The following PMS1 variants were observed in gnomAD, a reference collection of about 807,000 sequenced individuals.
PMS1 encodes PMS1 protein homolog 1.
A neutral mutation model predicts 93.1 loss-of-function variants in PMS1; 79 were observed. The ratio of observed to expected loss-of-function variants is 0.85; its 90% CI spans 0.71 to 1.02. The LOEUF is 1.02. PMS1 is among the 50% of genes least tolerant of loss of function. The pLI, the probability that PMS1 is intolerant of heterozygous loss-of-function variation, is 0.00. For missense variants in PMS1, 1,064 were observed against 1,085.3 expected (o/e 0.98, Z 0.28); for synonymous variants, 335 against 363.4 (o/e 0.92, Z 0.89).
At chr2:189,808,187 TC>T (rs1575091121) in intron 4 of PMS1, among the ~76,000 whole-genome samples, 2 of 152,122 alleles carry the variant, frequency 1.3e-5, no homozygotes, top group Admixed American at 6.5e-5. Flanking sequence ...GAGGTGAACA[TC>T]CCTGCTTAGC....
At chr2:189,846,997 G>C (rs1383022363) in intron 6 of PMS1, among the ~76,000 whole-genome samples, 1 of 151,784 alleles carries the variant, frequency 6.6e-6, no homozygotes. Flanking sequence ...GAGTAGCTGG[G>C]ATTGCAGGTG....
chr2:189,853,643 G>A (rs2055016791), intron 7 of PMS1, among the ~76,000 whole-genome samples: 3 of 151,270 alleles, frequency 2.0e-5, no homozygotes, highest in African/African-American at 7.3e-5. Context: ...ATCCTCCCAA[G>A]TATCTGGGAT....
intron 5 of PMS1, among the ~76,000 whole-genome samples, chr2:189,831,027 A>AG (rs2052886840): frequency 1.3e-5 from 2 of 152,166 alleles, no homozygotes; most frequent in Admixed American, 6.6e-5. Flanking sequence ...TAGGACCCCC[A>AG]GGTGGTTGGG....
chr2:189,811,057 A>G (rs2050799205), intron 4 of PMS1, among the ~76,000 whole-genome samples: 1 of 152,000 alleles, frequency 6.6e-6, no homozygotes, highest in Non-Finnish European at 1.5e-5. Flanking sequence ...AAATTTCAGC[A>G]GAGAAATGGA....
intron 5 of PMS1, 55 bp downstream of exon 5, chr2:189,818,235 T>A: frequency 1.8e-6 from 2 of 1,138,590 alleles, no homozygotes; most frequent in Non-Finnish European, 2.6e-6. Context: ...ATAAACAATG[T>A]ATACTTTATA....
intron 5 of PMS1, among the ~76,000 whole-genome samples, chr2:189,823,723 CTT>C (rs932304891): frequency 2.6e-5 from 4 of 151,678 alleles, no homozygotes; most frequent in African/African-American, 9.7e-5. Context: ...TCTCAGTACA[CTT>C]AGGGGTGTAT....
chr2:189,848,858 C>T (rs2054464145), intron 6 of PMS1, among the ~76,000 whole-genome samples: 1 of 152,170 alleles, frequency 6.6e-6, no homozygotes, highest in Admixed American at 6.5e-5. Flanking sequence ...GAGAATGGTC[C>T]TGTATCACAG....
Position 189,821,117 on chromosome 2 carries a change from G to A in PMS1, c.582+2937G>A, listed in dbSNP as rs2051816564. 2.0e-5 allele frequency among the ~76,000 whole-genome samples: 3 copies of A among 152,064 alleles called. No homozygotes were observed. The South Asian group carries it at 6.2e-4, about 31-fold the overall frequency. On this transcript the variant is annotated intron_variant, in intron 5 of 12. Coordinates refer to ENST00000441310, the MANE Select transcript of PMS1 (RefSeq NM_000534.5). ...ACATAATAATTAGGAAGGAAAAATA[G>A]ATGAAAAAGGTAAAATATAAAGAGA...
intron 4 of PMS1, among the ~76,000 whole-genome samples, chr2:189,808,598 T>A (rs2050549750): frequency 6.6e-6 from 1 of 152,174 alleles, no homozygotes; most frequent in Non-Finnish European, 1.5e-5. Context: ...CGCAAAGTGC[T>A]GGGATTATAG....
At position 189,805,658 on chromosome 2, in the gene PMS1, A is replaced by C; in HGVS notation, c.322A>C (p.Ile108Leu). 1 of 1,613,650 alleles carries C rather than the reference A, an allele frequency of 6.2e-7. No individual in the cohort carries two copies. Among genetic ancestry groups the C allele is most frequent in the Non-Finnish European group, 8.5e-7 (1 of 1,179,662 alleles). Residue 108 changes from isoleucine to leucine, a missense_variant, in exon 4 of 13, where the codon ATT becomes CTT. Physicochemically the swap from Ile to Leu is conservative, Grantham distance 5 (BLOSUM62 2). Transcript: ENST00000441310. Reference protein sequence around the residue: ...GSICCIAEVLITTRTAADNFS... With the variant: ...GSICCIAEVLLTTRTAADNFS... The stretch of plus-strand genomic sequence containing the variant: ...AGATGTTTTTTTCCCCCAGGTTTTA[A>C]TTACAACAAGAACGGCTGCTGATAA...
Position 189,853,850 on chromosome 2 carries a change from T to C in PMS1, c.823-89T>C, listed in dbSNP as rs2055042320. 1.0e-5 allele frequency: 8 copies of C among 792,926 alleles called. 1 individual carries two copies. The South Asian group carries it at 1.4e-4, about 14-fold the overall frequency. The allele number at this position is 792,926 out of a possible 1,614,324, so 49.1% of individuals were successfully genotyped here. The stretch of plus-strand genomic sequence containing the variant: ...GCTTTTCCTAATAAGCAGTTGCATC[T>C]ACTCAATTTCTCAGTTGAATTTGCT... On this transcript the variant is annotated intron_variant, in intron 7 of 12. Transcript: ENST00000441310.
chr2:189,841,360 C>A (rs1364904264), intron 5 of PMS1, among the ~76,000 whole-genome samples: 1 of 152,118 alleles, frequency 6.6e-6, no homozygotes, highest in Non-Finnish European at 1.5e-5. Flanking sequence ...AAAGATCTTC[C>A]TGTTAAACTA....
intron 6 of PMS1, among the ~76,000 whole-genome samples, chr2:189,850,052 G>A (rs1230697439): frequency 1.3e-5 from 2 of 151,846 alleles, no homozygotes; most frequent in African/African-American, 2.4e-5. Flanking sequence ...GACCTTAGCC[G>A]TCACTCCCTG....
Position 189,854,532 on chromosome 2 carries a change from T to C in PMS1, c.1260T>C (p.His420=), listed in dbSNP as rs1301899845. 1.9e-6 allele frequency: 3 copies of C among 1,613,618 alleles called. No homozygotes were observed. The highest frequency in any genetic ancestry group is 2.5e-6 in the Non-Finnish European group (3 of 1,179,714). The change falls in exon 9 of 13, where the codon CAT becomes CAC. Residue 420 remains histidine (H), a synonymous_variant. Coordinates refer to ENST00000441310, the MANE Select transcript of PMS1 (RefSeq NM_000534.5). The stretch of plus-strand genomic sequence containing the variant: ...GTATTGGTGACTTTGGTTATGGTCA[T>C]TGTAGTAGTGAAATTTCTAACATTG... ...QISIGDFGYG[H]CSSEISNIDK... is the part of the protein sequence containing the mutation.
chr2:189,865,179 C>A (rs2056535840), intron 10 of PMS1, among the ~76,000 whole-genome samples: 2 of 151,932 alleles, frequency 1.3e-5, no homozygotes, highest in Non-Finnish European at 2.9e-5. Context: ...TCTCAAAATA[C>A]CTTTTTTTCC....
In PMS1 at chr2:189,854,418, T is replaced by C; in HGVS notation, c.1146T>C (p.Asn382=). ...KVESSGKNYS[N]VDTSVIPFQN... is the part of the protein sequence containing the mutation. The stretch of plus-strand genomic sequence containing the variant: ...AATCATCTGGAAAGAATTATTCAAA[T>C]GTTGATACTTCAGTCATTCCATTCC... The change falls in exon 9 of 13, where the codon AAT becomes AAC. Residue 382 remains asparagine, a synonymous_variant. Coordinates refer to ENST00000441310, the MANE Select transcript of PMS1 (RefSeq NM_000534.5). 1 of 1,607,184 alleles carries C rather than the reference T, an allele frequency of 6.2e-7. No individual in the cohort carries two copies. Among genetic ancestry groups the C allele is most frequent in the Non-Finnish European group, 8.5e-7 (1 of 1,175,332 alleles).
chr2:189,820,338 T>C (rs2051721605), intron 5 of PMS1, among the ~76,000 whole-genome samples: 1 of 152,118 alleles, frequency 6.6e-6, no homozygotes, highest in South Asian at 2.1e-4. Context: ...AGGGTCTCGT[T>C]CTGTCACCCA....
At chr2:189,809,935 A>G (rs988077439) in intron 4 of PMS1, among the ~76,000 whole-genome samples, 1 of 152,218 alleles carries the variant, frequency 6.6e-6, no homozygotes, top group Non-Finnish European at 1.5e-5. Context: ...TTAGATACAT[A>G]TATTTAAAAA....
intron 10 of PMS1, among the ~76,000 whole-genome samples, chr2:189,867,094 A>G (rs2056728701): frequency 6.6e-6 from 1 of 152,198 alleles, no homozygotes; most frequent in Admixed American, 6.5e-5. Context: ...ACCTAGGACA[A>G]TATCTGCCAC....
Sources: gnomAD v4.1 joint callset for allele counts (sites outside exome capture counted in the v4.1 genomes callset) on GRCh38, gnomAD v4.1.1 for gene constraint, MANE v1.5 for transcripts, NCBI Gene and HGNC (gene_info 2026-07-23, HGNC 2026-07-21) for gene names.